ASTN2: variants seen among roughly 807,000 people sequenced by gnomAD.
ASTN2 encodes the protein astrotactin 2.
A neutral mutation model predicts 139.8 loss-of-function variants in ASTN2; 54 were observed. The observed-to-expected ratio is 0.39, with a 90% CI of 0.31 to 0.48. The LOEUF (loss-of-function observed/expected upper bound fraction) is 0.48, where lower values mean the gene tolerates loss of function less well. ASTN2 is among the 20% of genes least tolerant of loss of function. ASTN2 has a pLI of 0.95. For synonymous variants in ASTN2, 756 were observed against 719.5 expected (o/e 1.05, Z -0.81); for missense variants, 1,565 against 1,725.1 (o/e 0.91, Z 1.64).
At chr9:116,677,328 G>A (rs1859570683) in intron 16 of ASTN2, among the ~76,000 whole-genome samples, 1 of 152,034 alleles carries the variant, frequency 6.6e-6, no homozygotes, top group African/African-American at 2.4e-5. Context: ...AAAAACCTCT[G>A]TTTTCTTCAT....
intron 7 of ASTN2, among the ~76,000 whole-genome samples, chr9:117,004,266 T>C (rs1837292812): frequency 6.6e-6 from 1 of 152,012 alleles, no homozygotes; most frequent in Non-Finnish European, 1.5e-5. Flanking sequence ...ACTATGGGCA[T>C]GTGTCACCAT....
At chr9:117,266,498 G>T (rs141305497) in intron 2 of ASTN2, among the ~76,000 whole-genome samples, 8 of 152,132 alleles carry the variant, frequency 5.3e-5, no homozygotes, top group Non-Finnish European at 1.0e-4. Context: ...ATTAGAATGC[G>T]AAGGTTACTG....
chr9:116,846,168 T>C, intron 11 of ASTN2, among the ~76,000 whole-genome samples: 1 of 152,066 alleles, frequency 6.6e-6, no homozygotes, highest in African/African-American at 2.4e-5. Context: ...TTCACAGAGA[T>C]GGAAAGCAGA....
intron 11 of ASTN2, among the ~76,000 whole-genome samples, chr9:116,844,518 C>T (rs1832367143): frequency 6.6e-6 from 1 of 151,886 alleles, no homozygotes; most frequent in African/African-American, 2.4e-5. Context: ...TAATGTTAGC[C>T]AGTCACTTCG....
chr9:117,360,670 C>T (rs555968889), intron 1 of ASTN2, among the ~76,000 whole-genome samples: 2 of 152,056 alleles, frequency 1.3e-5, no homozygotes, highest in Non-Finnish European at 2.9e-5. Flanking sequence ...GGTGAGCATG[C>T]TATGTTCTGA....
chr9:116,785,944 T>G (rs1485679287), intron 13 of ASTN2, among the ~76,000 whole-genome samples: 1 of 152,184 alleles, frequency 6.6e-6, no homozygotes, highest in African/African-American at 2.4e-5. Flanking sequence ...AGAGTAAAAT[T>G]CAAGCTACTG....
At chr9:116,751,810 A>T (rs1044538369) in intron 13 of ASTN2, among the ~76,000 whole-genome samples, 2 of 152,196 alleles carry the variant, frequency 1.3e-5, no homozygotes, top group African/African-American at 4.8e-5. Context: ...CAAAATACAT[A>T]GAAGATCTAT....
intron 3 of ASTN2, among the ~76,000 whole-genome samples, chr9:117,190,406 C>T (rs565927332): frequency 6.6e-6 from 1 of 152,310 alleles, no homozygotes; most frequent in South Asian, 2.1e-4. Context: ...ATCCTCGCTT[C>T]TGAGTTGCAA....
At position 117,289,561 on chromosome 9, in the gene ASTN2, A is replaced by G. The variant is rs117712241; in HGVS notation, c.630+1765T>C. Among the ~76,000 whole-genome samples, 118 of 152,334 alleles carry G rather than the reference A, an allele frequency of 7.7e-4. 4 individuals carry two copies. In the East Asian group the frequency reaches 0.021, roughly 27 times the overall value. On this transcript the variant is annotated intron_variant, in intron 2 of 22. Transcript: ENST00000313400. Reference sequence around the variant, plus strand: ...TTACAAGAAGGATACATGCAAGTAAATGTGCTGAAACACAGAAAATGTTTA... The same window carrying G: ...TTACAAGAAGGATACATGCAAGTAAGTGTGCTGAAACACAGAAAATGTTTA...
chr9:116,897,634 G>A (rs764547340), intron 10 of ASTN2, among the ~76,000 whole-genome samples: 5 of 151,970 alleles, frequency 3.3e-5, no homozygotes, highest in African/African-American at 7.3e-5. Flanking sequence ...TTCATATGCC[G>A]GAATGTTCTC....
At chr9:117,126,232 T>C (rs1301083826) in intron 4 of ASTN2, among the ~76,000 whole-genome samples, 1 of 152,192 alleles carries the variant, frequency 6.6e-6, no homozygotes, top group East Asian at 1.9e-4. Flanking sequence ...CTGAGGCCTA[T>C]GTATGTGCAG....
intron 1 of ASTN2, among the ~76,000 whole-genome samples, chr9:117,389,701 G>A (rs1226888642): frequency 6.6e-6 from 1 of 152,096 alleles, no homozygotes; most frequent in African/African-American, 2.4e-5. Context: ...AACATGTACT[G>A]AGTACTAATT....
intron 11 of ASTN2, among the ~76,000 whole-genome samples, chr9:116,842,325 T>C (rs955434580): frequency 2.0e-5 from 3 of 152,132 alleles, no homozygotes; most frequent in African/African-American, 7.2e-5. Context: ...TATGCTATCT[T>C]TTTTAATCCC....
At chr9:117,284,009 T>C (rs1224911510) in intron 2 of ASTN2, among the ~76,000 whole-genome samples, 12 of 152,224 alleles carry the variant, frequency 7.9e-5, no homozygotes, top group Non-Finnish European at 1.6e-4. Context: ...TAAATATTTA[T>C]TGTTTTCAGT....
At chr9:117,131,210 A>ATACATGCCATTTCTTATCTTT in intron 4 of ASTN2, among the ~76,000 whole-genome samples, 4 of 152,326 alleles carry the variant, frequency 2.6e-5, no homozygotes, top group African/African-American at 9.6e-5. Flanking sequence ...CAAAGCCAAG[A>ATACATGCCATTTCTTATCTTT]GAAACCTGAA....
At chr9:116,664,424 A>T (rs572916921) in intron 16 of ASTN2, among the ~76,000 whole-genome samples, 2,784 of 147,618 alleles carry the variant, frequency 0.019, 83 homozygotes, top group African/African-American at 0.064. Flanking sequence ...AAATATATAT[A>T]ATATATATAT....
chr9:116,907,201 T>C (rs2183477), intron 10 of ASTN2, among the ~76,000 whole-genome samples: 2 of 152,130 alleles, frequency 1.3e-5, no homozygotes, highest in Non-Finnish European at 2.9e-5. Flanking sequence ...TTACTGATTG[T>C]TTAAGAAGAG....
rs539615069 is a variant in ASTN2 at position 117,090,465 on chromosome 9, C to T, written c.1276+5579G>A. 3.9e-5 allele frequency among the ~76,000 whole-genome samples: 6 copies of T among 152,300 alleles called. No homozygotes were observed. The South Asian group carries it at 8.3e-4, about 21-fold the overall frequency. ...CTCCAAAATAGTCCCATTCTCCTTACAAAGAGCCAAAATCTTAGGAAAGAC... is the reference window on the plus strand; with the variant it reads ...CTCCAAAATAGTCCCATTCTCCTTATAAAGAGCCAAAATCTTAGGAAAGAC... On this transcript the variant is annotated intron_variant, in intron 5 of 22. Transcript: ENST00000313400.
chr9:117,050,573 G>A (rs749525356), intron 5 of ASTN2, among the ~76,000 whole-genome samples: 1 of 152,014 alleles, frequency 6.6e-6, no homozygotes, highest in Non-Finnish European at 1.5e-5. Context: ...TGACATTGGG[G>A]GAAATGGAAG....
Sources: gnomAD v4.1 joint callset for allele counts (sites outside exome capture counted in the v4.1 genomes callset) on GRCh38, gnomAD v4.1.1 for gene constraint, MANE v1.5 for transcripts, NCBI Gene and HGNC (gene_info 2026-07-23, HGNC 2026-07-21) for gene names.